NELL1: variants seen among roughly 807,000 people sequenced by gnomAD.
NELL1 encodes protein kinase C-binding protein NELL1.
In NELL1, 76 loss-of-function variants were observed where a neutral mutation model predicts 107.4. That is an observed-to-expected ratio of 0.71 (90% CI 0.59 to 0.86). The LOEUF is 0.86. NELL1 is among the 40% of genes least tolerant of loss of function. The pLI is 0.00. For synonymous variants in NELL1, 353 were observed against 341.2 expected (o/e 1.03, Z -0.38); for missense variants, 1,024 against 1,005.5 (o/e 1.02, Z -0.25).
intron 12 of NELL1, among the ~76,000 whole-genome samples, chr11:21,027,785 A>G (rs1050108795): frequency 6.6e-6 from 1 of 152,182 alleles, no homozygotes; most frequent in African/African-American, 2.4e-5. Context: ...AATGCAGTTT[A>G]GTTTCCCTGA....
At chr11:20,872,671 G>GGTGTAT (rs1554935712) in intron 4 of NELL1, among the ~76,000 whole-genome samples, 2 of 137,178 alleles carry the variant, frequency 1.5e-5, no homozygotes, top group East Asian at 4.5e-4. Flanking sequence ...CAGTGTTTGA[G>GGTGTAT]GTGTGTGTGT....
chr11:21,484,898 A>G (rs944707956), intron 15 of NELL1, among the ~76,000 whole-genome samples: 1 of 152,134 alleles, frequency 6.6e-6, no homozygotes, highest in Non-Finnish European at 1.5e-5. Flanking sequence ...GTCACAGTTC[A>G]CATAGATTTC....
intron 15 of NELL1, among the ~76,000 whole-genome samples, chr11:21,448,503 TAC>T (rs1452678280): frequency 6.6e-6 from 1 of 152,254 alleles, no homozygotes; most frequent in African/African-American, 2.4e-5. Context: ...TAAATACAGG[TAC>T]AAAGTTCACC....
At chr11:21,002,890 T>A (rs1023540470) in intron 12 of NELL1, among the ~76,000 whole-genome samples, 1 of 152,206 alleles carries the variant, frequency 6.6e-6, no homozygotes, top group African/African-American at 2.4e-5. Context: ...CATCCATGAA[T>A]GCTAAGAATT....
chr11:20,670,026 C>T, intron 1 of NELL1, among the ~76,000 whole-genome samples: 1 of 152,312 alleles, frequency 6.6e-6, no homozygotes, highest in Middle Eastern at 3.4e-3. Context: ...GAGTGAGGGG[C>T]GCGGCCGAGT....
At chr11:20,701,052 T>C (rs1311607324) in intron 2 of NELL1, among the ~76,000 whole-genome samples, 2 of 152,192 alleles carry the variant, frequency 1.3e-5, no homozygotes, top group Non-Finnish European at 2.9e-5. Context: ...TCAAATGGTA[T>C]TTCTAGTTCT....
chr11:21,159,584 C>T (rs1856316927), intron 13 of NELL1, among the ~76,000 whole-genome samples: 1 of 152,272 alleles, frequency 6.6e-6, no homozygotes, highest in South Asian at 2.1e-4. Context: ...TGCCTTCATA[C>T]CACTTCCCAA....
chr11:21,237,164 C>A (rs554453020), intron 14 of NELL1, among the ~76,000 whole-genome samples: 1 of 152,094 alleles, frequency 6.6e-6, no homozygotes, highest in Non-Finnish European at 1.5e-5. Flanking sequence ...TATGGCTGAG[C>A]CACCCCACTC....
chr11:20,740,914 C>T (rs1052761643), intron 2 of NELL1, among the ~76,000 whole-genome samples: 1 of 152,110 alleles, frequency 6.6e-6, no homozygotes, highest in Non-Finnish European at 1.5e-5. Flanking sequence ...CTGGGCACCA[C>T]CATGCCCAGC....
At position 20,669,875 on chromosome 11, in the gene NELL1, C is replaced by A; in HGVS notation, c.55+97C>A. 9.8e-7 allele frequency: 1 copy of A among 1,023,122 alleles called. No homozygotes were observed. Among genetic ancestry groups the A allele is most frequent in the South Asian group, 1.3e-5 (1 of 77,330 alleles). 63.4% of individuals were successfully genotyped at this position (1,023,122 alleles called of 1,614,324 possible). ...ACCTGGAGCCGAGCTTTGCGCTGGT[C>A]TGGGGAACGGCGGTAGCGTGGACCG... On this transcript the variant is annotated intron_variant, in intron 1 of 19. Coordinates refer to ENST00000357134, the MANE Select transcript of NELL1 (RefSeq NM_006157.5). This position sits in a 1 kb window ranked among gnomAD's most constrained non-coding sequence, Gnocchi z 4.4.
chr11:21,341,102 G>A (rs1394920901), intron 14 of NELL1, among the ~76,000 whole-genome samples: 1 of 152,140 alleles, frequency 6.6e-6, no homozygotes, highest in South Asian at 2.1e-4. Flanking sequence ...AAATAAGTGT[G>A]TAGTTAGACC....
Position 20,807,130 on chromosome 11 carries a change from T to C in NELL1, c.335+23300T>C, listed in dbSNP as rs148481440. The stretch of plus-strand genomic sequence containing the variant: ...GTGATTATTCCTCAGTTCCTGGGCA[T>C]TGAAGGTATTTATTGTAGTCTTCAC... On this transcript the variant is annotated intron_variant, in intron 3 of 19. Coordinates refer to ENST00000357134, the MANE Select transcript of NELL1 (RefSeq NM_006157.5). Among the ~76,000 whole-genome samples the C allele has an allele frequency of 5.2e-3, 791 of 152,150 alleles. 5 individuals carry two copies. The highest frequency in any genetic ancestry group is 0.018 in the African/African-American group (753 of 41,490).
intron 13 of NELL1, among the ~76,000 whole-genome samples, chr11:21,153,133 T>C (rs1007622913): frequency 1.3e-5 from 2 of 152,210 alleles, no homozygotes; most frequent in Non-Finnish European, 2.9e-5. Flanking sequence ...AGTCTAGGCA[T>C]TTAAAATGCA....
At chr11:20,707,534 A>G (rs1048330305) in intron 2 of NELL1, among the ~76,000 whole-genome samples, 7 of 152,284 alleles carry the variant, frequency 4.6e-5, no homozygotes, top group Admixed American at 3.3e-4. Context: ...ATGGTGATGT[A>G]CAGATTGGGT....
intron 4 of NELL1, among the ~76,000 whole-genome samples, chr11:20,872,260 G>A (rs1320714718): frequency 6.7e-6 from 1 of 148,550 alleles, no homozygotes; most frequent in East Asian, 2.1e-4. Flanking sequence ...TGTAGCCTCA[G>A]CCTCCCTGGG....
intron 12 of NELL1, among the ~76,000 whole-genome samples, chr11:21,022,729 T>A (rs542407498): frequency 6.6e-6 from 1 of 152,274 alleles, no homozygotes; most frequent in East Asian, 1.9e-4. Flanking sequence ...CTTGGCAACA[T>A]GCCTCCTATA....
At chr11:21,436,322 G>A (rs1853119817) in intron 15 of NELL1, among the ~76,000 whole-genome samples, 1 of 152,054 alleles carries the variant, frequency 6.6e-6, no homozygotes, top group African/African-American at 2.4e-5. Flanking sequence ...TGAAGTGCTG[G>A]GATTACAGGC....
At chr11:21,066,224 C>T (rs1460575055) in intron 12 of NELL1, among the ~76,000 whole-genome samples, 6 of 152,150 alleles carry the variant, frequency 3.9e-5, no homozygotes, top group Non-Finnish European at 5.9e-5. Context: ...CATTGTGTCT[C>T]CCTGTTCTCT....
intron 12 of NELL1, among the ~76,000 whole-genome samples, chr11:21,099,779 T>C (rs1363509512): frequency 6.6e-6 from 1 of 152,164 alleles, no homozygotes; most frequent in African/African-American, 2.4e-5. Context: ...CACATTTTTT[T>C]CTTTCCAGCT....
Sources: gnomAD v4.1 joint callset for allele counts (sites outside exome capture counted in the v4.1 genomes callset) on GRCh38, gnomAD v4.1.1 for gene constraint, Gnocchi (gnomAD v3.1) non-coding constraint, MANE v1.5 for transcripts, NCBI Gene and HGNC (gene_info 2026-07-23, HGNC 2026-07-21) for gene names.